The following METTL15 variants were observed in gnomAD, a reference collection of about 807,000 sequenced individuals.
The protein encoded by METTL15 is methyltransferase 15, mitochondrial 12S rRNA N4-cytidine.
METTL15 carries 34 observed loss-of-function variants against 38.3 expected under a neutral mutation model. The ratio of observed to expected loss-of-function variants is 0.89; its 90% CI spans 0.68 to 1.18. The LOEUF is 1.18. Among genes scored for constraint, METTL15 ranks in the 50% most tolerant of loss-of-function variants. METTL15 has a pLI of 0.00. For missense variants in METTL15, 438 were observed against 498.4 expected, an observed-to-expected ratio of 0.88 and a Z score of 1.15; for synonymous variants, 162 against 170.9, an observed-to-expected ratio of 0.95 and a Z score of 0.41.
intron 4 of METTL15, among the ~76,000 whole-genome samples, chr11:28,267,666 A>T (rs977480282): frequency 1.3e-5 from 2 of 152,148 alleles, no homozygotes; most frequent in Admixed American, 1.3e-4. Context: ...TTCAAATATT[A>T]TTTCATTTCA....
chr11:28,380,734 A>C (rs554260176), intron 5 of METTL15, among the ~76,000 whole-genome samples: 1 of 152,208 alleles, frequency 6.6e-6, no homozygotes, highest in African/African-American at 2.4e-5. Context: ...AACATATCTT[A>C]GATTAAAAAG....
chr11:28,191,479 C>T (rs1851698249), intron 3 of METTL15, among the ~76,000 whole-genome samples: 1 of 151,300 alleles, frequency 6.6e-6, no homozygotes, highest in African/African-American at 2.4e-5. Context: ...TTAAGGGTTG[C>T]ATCTTCCAAA....
At chr11:28,388,343 AC>A (rs1850463026) in intron 5 of METTL15, among the ~76,000 whole-genome samples, 1 of 152,158 alleles carries the variant, frequency 6.6e-6, no homozygotes, top group Non-Finnish European at 1.5e-5. Flanking sequence ...TCCTGTTAGA[AC>A]TAATCAATGG....
chr11:28,238,797 C>G (rs1207961275), intron 4 of METTL15, among the ~76,000 whole-genome samples: 2 of 152,154 alleles, frequency 1.3e-5, no homozygotes, highest in African/African-American at 2.4e-5. Context: ...TTCAACTGCC[C>G]CACCCCACGG....
At chr11:28,365,174 A>G (rs1009494626) in intron 5 of METTL15, among the ~76,000 whole-genome samples, 1 of 152,212 alleles carries the variant, frequency 6.6e-6, no homozygotes, top group Non-Finnish European at 1.5e-5. Flanking sequence ...TTGTGGTATC[A>G]GGATGATGCT....
rs567535628 is a variant in METTL15 at position 28,382,819 on chromosome 11, G to A, written c.*358+20783G>A. On this transcript the variant is annotated intron_variant and NMD_transcript_variant, in intron 5 of 7. Transcript: ENST00000532947. ...CACTGCACTGCAGCCTGGGCAACAA[G>A]AGTGAAACTCCGTCTCAAAAAAAAA... 9.6e-3 allele frequency among the ~76,000 whole-genome samples: 1,447 copies of A among 151,080 alleles called. 10 individuals carry two copies. Among genetic ancestry groups the A allele is most frequent in the Non-Finnish European group, 0.016 (1,105 of 67,814 alleles).
At chr11:28,154,805 T>C (rs1850207965) in intron 3 of METTL15, among the ~76,000 whole-genome samples, 1 of 152,154 alleles carries the variant, frequency 6.6e-6, no homozygotes, top group South Asian at 2.1e-4. Flanking sequence ...TAAATCCCTC[T>C]TACACAGGGT....
chr11:28,224,881 C>T (rs1853409284), intron 4 of METTL15, among the ~76,000 whole-genome samples: 1 of 151,400 alleles, frequency 6.6e-6, no homozygotes, highest in African/African-American at 2.4e-5. Flanking sequence ...TTTATAATTT[C>T]TTATGTCCAT....
intron 6 of METTL15, among the ~76,000 whole-genome samples, chr11:28,317,059 A>G (rs773214170): frequency 1.3e-5 from 2 of 152,118 alleles, no homozygotes; most frequent in Non-Finnish European, 2.9e-5. Flanking sequence ...ATTCTGGGCC[A>G]TGTTTCTTAT....
intron 5 of METTL15, among the ~76,000 whole-genome samples, chr11:28,367,805 A>G (rs1850201146): frequency 6.6e-6 from 1 of 152,220 alleles, no homozygotes; most frequent in Non-Finnish European, 1.5e-5. Flanking sequence ...ATCTACAACT[A>G]TCTGATCTTT....
chr11:28,306,355 C>T (rs1443328882), intron 6 of METTL15, among the ~76,000 whole-genome samples: 2 of 152,000 alleles, frequency 1.3e-5, no homozygotes. Context: ...ATCTTTTCCT[C>T]CTTTTTACTT....
chr11:28,471,074 C>T (rs1293301917), intron 6 of METTL15, among the ~76,000 whole-genome samples: 1 of 152,066 alleles, frequency 6.6e-6, no homozygotes, highest in Non-Finnish European at 1.5e-5. Flanking sequence ...TTACAGACAT[C>T]ACCTGGGGCT....
At chr11:28,430,923 G>A (rs1301158672) in intron 6 of METTL15, among the ~76,000 whole-genome samples, 2 of 107,520 alleles carry the variant, frequency 1.9e-5, no homozygotes, top group East Asian at 2.8e-4. Context: ...CCCCCCGCCC[G>A]GCCAGCCGCC....
At chr11:28,220,736 A>G (rs1390472204) in intron 4 of METTL15, among the ~76,000 whole-genome samples, 3 of 151,916 alleles carry the variant, frequency 2.0e-5, no homozygotes, top group African/African-American at 7.3e-5. Context: ...TTCCTTCAGG[A>G]GCTCTTGTAG....
chr11:28,370,073 A>G (rs1850227279), intron 5 of METTL15, among the ~76,000 whole-genome samples: 2 of 152,130 alleles, frequency 1.3e-5, no homozygotes, highest in Admixed American at 1.3e-4. Flanking sequence ...TGCTAGAAAC[A>G]CCTGAATTAT....
chr11:28,147,976 G>T (rs911414935), intron 3 of METTL15, among the ~76,000 whole-genome samples: 23 of 151,786 alleles, frequency 1.5e-4, no homozygotes, highest in African/African-American at 5.3e-4. Context: ...AGTATTACCA[G>T]TTAGAGTCTA....
In METTL15 at chr11:28,253,883, T is replaced by C. The variant is rs774375752; in HGVS notation, c.408-36323T>C. ...CACATTTTCTTTATCCATTTATTTG[T>C]TGATGGACACTTGGTTGCTTCCAAA... On this transcript the variant is annotated intron_variant, in intron 4 of 6. Coordinates refer to ENST00000407364, the MANE Select transcript of METTL15 (RefSeq NM_001113528.2). 3.3e-5 allele frequency among the ~76,000 whole-genome samples: 5 copies of C among 152,274 alleles called. No homozygotes were observed. The South Asian group carries it at 8.3e-4, about 25-fold the overall frequency.
At chr11:28,146,656 C>A (rs1257018075) in intron 3 of METTL15, among the ~76,000 whole-genome samples, 2 of 151,740 alleles carry the variant, frequency 1.3e-5, no homozygotes, top group African/African-American at 4.8e-5. Flanking sequence ...AATATCTTTT[C>A]TTTTTATCTT....
intron 6 of METTL15, among the ~76,000 whole-genome samples, chr11:28,450,165 A>G (rs542528850): frequency 2.0e-5 from 3 of 152,228 alleles, no homozygotes; most frequent in Non-Finnish European, 4.4e-5. Flanking sequence ...CCAAGAGTTC[A>G]TTATATTTCC....
Sources: gnomAD v4.1 joint callset for allele counts (sites outside exome capture counted in the v4.1 genomes callset) on GRCh38, gnomAD v4.1.1 for gene constraint, MANE v1.5 for transcripts, NCBI Gene and HGNC (gene_info 2026-07-23, HGNC 2026-07-21) for gene names.